The following RPF2 variants were observed in gnomAD, a reference collection of about 807,000 sequenced individuals.
RPF2 encodes brix domain containing 1.
Under a neutral mutation model 38.9 loss-of-function variants are expected in RPF2, and 21 were observed. That is an observed-to-expected ratio of 0.54 (90% CI 0.38 to 0.78). The LOEUF (loss-of-function observed/expected upper bound fraction) is 0.78. Ranked by LOEUF, RPF2 falls within the 30% of genes least tolerant of loss-of-function variation. The pLI is 0.00. For missense variants in RPF2, 314 were observed against 358.1 expected (o/e 0.88, Z 0.99); for synonymous variants, 121 against 126.2 (o/e 0.96, Z 0.28).
chr6:110,985,087 G>C lies in RPF2; in HGVS notation c.105G>C (p.Leu35=), dbSNP rs760073069. The change falls in exon 2 of 10, where the codon CTG becomes CTC. Residue 35 remains leucine (L), a synonymous_variant. Coordinates refer to ENST00000441448, the MANE Select transcript of RPF2 (RefSeq NM_032194.3). ...ATGAAAATATTAAAAATGCCATGCT[G>C]ATTAAAGGGGGAAATGCAAATGCAA... The part of the protein sequence containing the change: ...KLNENIKNAM[L]IKGGNANATV... 3 of 1,613,718 alleles carry C rather than the reference G, an allele frequency of 1.9e-6. No homozygotes were observed. Among genetic ancestry groups the C allele is most frequent in the South Asian group, 2.2e-5 (2 of 91,062 alleles).
Position 111,026,209 on chromosome 6 carries a change from G to A in RPF2, c.*627G>A, listed in dbSNP as rs965816307. The stretch of plus-strand genomic sequence containing the variant: ...CTCTGAGACGAAACCTGTGTTTTTT[G>A]GTTGGTTTGTTTTTAAGAGATGGGG... On this transcript the variant is annotated 3_prime_UTR_variant, in exon 10 of 10. Coordinates refer to ENST00000441448, the MANE Select transcript of RPF2 (RefSeq NM_032194.3). 2 of 152,210 alleles carry A rather than the reference G, an allele frequency of 1.3e-5. No individual in the cohort carries two copies. Among genetic ancestry groups the A allele is most frequent in the African/African-American group, 4.8e-5 (2 of 41,412 alleles). The allele number at this position is 152,210 out of a possible 1,614,324, so 9.4% of individuals were successfully genotyped here. A position where few individuals can be genotyped will look rare whatever the true frequency, so the allele number is the denominator to read the frequency against.
chr6:110,998,675 G>T (rs763813529), intron 5 of RPF2, among the ~76,000 whole-genome samples: 1 of 152,120 alleles, frequency 6.6e-6, no homozygotes, highest in African/African-American at 2.4e-5. Flanking sequence ...GGACAGGAGA[G>T]GCTGCCCACT....
chr6:111,025,728 AC>A lies in RPF2; in HGVS notation c.*147del. On this transcript the variant is annotated 3_prime_UTR_variant, in exon 10 of 10. Coordinates refer to ENST00000441448, the MANE Select transcript of RPF2 (RefSeq NM_032194.3). ...GATATATTATTATGAACAGTAATAT[AC>A]TAGTATTAAGTGTAAAGTAAGCCTT... 6.7e-6 allele frequency: 4 copies of A among 597,876 alleles called. No individual in the cohort carries two copies. The highest frequency in any genetic ancestry group is 1.1e-5 in the Non-Finnish European group (4 of 361,068). 37.0% of individuals were successfully genotyped at this position (597,876 alleles called of 1,614,324 possible). A position where few individuals can be genotyped will look rare whatever the true frequency, so the allele number is the denominator to read the frequency against.
intron 6 of RPF2, among the ~76,000 whole-genome samples, chr6:111,004,569 A>G (rs1458982737): frequency 6.8e-6 from 1 of 147,294 alleles, no homozygotes; most frequent in East Asian, 2.0e-4. Context: ...TTTTGGAGAC[A>G]GGGTCTTGCT....
intron 6 of RPF2, among the ~76,000 whole-genome samples, chr6:111,000,849 T>C (rs1252716507): frequency 6.6e-6 from 1 of 151,910 alleles, no homozygotes; most frequent in East Asian, 1.9e-4. Flanking sequence ...ATTAGGACTC[T>C]AGGGCTTTGA....
chr6:111,015,084 T>A (rs1772083581), intron 7 of RPF2, among the ~76,000 whole-genome samples: 1 of 152,336 alleles, frequency 6.6e-6, no homozygotes, highest in African/African-American at 2.4e-5. Flanking sequence ...GGCTGACTAC[T>A]CTTTTTAAAA....
rs752393335 is a variant in RPF2 at position 110,997,261 on chromosome 6, A to G, written c.313A>G (p.Ile105Val). Residue 105 changes from isoleucine (I) to valine (V), a missense_variant, in exon 5 of 10, where the codon ATA (isoleucine) becomes GTA (valine). Transcript: ENST00000441448. ...HNKKRPNNLV[I>V]GRMYDYHVLD... Reference sequence around the variant, plus strand: ...TAAGAAGCGGCCAAATAATCTAGTAATAGGTAAGTATAATTTACTTTTTAA... The same window carrying G: ...TAAGAAGCGGCCAAATAATCTAGTAGTAGGTAAGTATAATTTACTTTTTAA... 2 of 1,546,764 alleles carry G rather than the reference A, an allele frequency of 1.3e-6. No individual in the cohort carries two copies. Among genetic ancestry groups the G allele is most frequent in the South Asian group, 2.3e-5 (2 of 88,838 alleles).
intron 2 of RPF2, among the ~76,000 whole-genome samples, chr6:110,985,801 G>T (rs1771514312): frequency 6.6e-6 from 1 of 152,142 alleles, no homozygotes; most frequent in African/African-American, 2.4e-5. Context: ...AGCCGGGTGT[G>T]GTGGCGGGCG....
rs150826122 is a variant in RPF2 at position 110,982,113 on chromosome 6, A to G, written c.7A>G (p.Thr3Ala). The change falls in exon 1 of 10, where the codon ACT becomes GCT. Residue 3 changes from threonine (T) to alanine (A), a missense_variant. Transcript: ENST00000441448. MD[T>A]LDRVVKPKTK... ...GTTGCAGGTAGCGGTAGCGATGGAC[A>G]CTCTGGATCGAGTAGTGTAAGTGCG... The G allele has an allele frequency of 1.4e-4, 228 of 1,614,110 alleles. 1 individual carries two copies. The Middle Eastern group carries it at 4.8e-3, about 34-fold the overall frequency.
chr6:111,010,095 T>A (rs9372290), intron 7 of RPF2, among the ~76,000 whole-genome samples: 19,436 of 151,642 alleles, frequency 0.13, 1,720 homozygotes, highest in East Asian at 0.49. Flanking sequence ...GGGTCTTGGG[T>A]CTGTCTCTCT....
Position 110,985,036 on chromosome 6 carries a change from C to T in RPF2, c.54C>T (p.Phe18=). ...VKPKTKRAKR[F]LEKREPKLNE... is the part of the protein sequence containing the mutation. ...CCAAAACGAAAAGAGCCAAGAGATT[C>T]CTTGAGAAGAGAGAACCGAAACTCA... The change falls in exon 2 of 10, where the codon TTC becomes TTT. Residue 18 remains phenylalanine, a synonymous_variant. Transcript: ENST00000441448. The T allele has an allele frequency of 6.2e-7, 1 of 1,612,216 alleles. No individual in the cohort carries two copies. The highest frequency in any genetic ancestry group is 8.5e-7 in the Non-Finnish European group (1 of 1,179,700).
intron 4 of RPF2, among the ~76,000 whole-genome samples, chr6:110,994,334 C>T (rs964603878): frequency 4.6e-5 from 7 of 151,344 alleles, no homozygotes; most frequent in Non-Finnish European, 8.8e-5. Flanking sequence ...CCTCTAATCC[C>T]GTTGTTTTGG....
intron 7 of RPF2, among the ~76,000 whole-genome samples, chr6:111,015,549 T>G (rs1159736800): frequency 6.6e-6 from 1 of 152,244 alleles, no homozygotes; most frequent in Non-Finnish European, 1.5e-5. Flanking sequence ...ACATTAAATG[T>G]CTCAGTGAAC....
At chr6:110,985,810 C>T (rs191301196) in intron 2 of RPF2, among the ~76,000 whole-genome samples, 135 of 151,932 alleles carry the variant, frequency 8.9e-4, no homozygotes, top group African/African-American at 3.0e-3. Context: ...TGGTGGCGGG[C>T]GCCTGTAGTC....
chr6:111,006,845 G>A (rs571128674), intron 6 of RPF2, among the ~76,000 whole-genome samples: 80 of 152,132 alleles, frequency 5.3e-4, no homozygotes, highest in African/African-American at 1.7e-3. Flanking sequence ...AGGCCAAGGC[G>A]GGCAGATCAC....
intron 7 of RPF2, among the ~76,000 whole-genome samples, chr6:111,009,824 C>T (rs1227874512): frequency 6.6e-6 from 1 of 151,870 alleles, no homozygotes; most frequent in Non-Finnish European, 1.5e-5. Context: ...TAGGCACATG[C>T]CACTATGCCT....
intron 8 of RPF2, among the ~76,000 whole-genome samples, chr6:111,022,967 C>T (rs550012654): frequency 3.3e-4 from 51 of 152,362 alleles, no homozygotes; most frequent in African/African-American, 1.2e-3. Flanking sequence ...GGCGCGATCT[C>T]GGCTCACTGC....
intron 2 of RPF2, 74 bp from the exon 3 acceptor site, chr6:110,988,953 TG>T: frequency 6.5e-7 from 1 of 1,527,100 alleles, no homozygotes; most frequent in Non-Finnish European, 8.9e-7. Flanking sequence ...GGAGAGTGAC[TG>T]TTATGATGCT....
At chr6:111,000,835 C>A (rs145133589) in intron 6 of RPF2, among the ~76,000 whole-genome samples, 2 of 152,080 alleles carry the variant, frequency 1.3e-5, no homozygotes, top group Non-Finnish European at 2.9e-5. Flanking sequence ...TCAGTATAAC[C>A]AAGATTAGGA....
Sources: allele counts gnomAD v4.1 joint callset (sites outside exome capture counted in the v4.1 genomes callset), GRCh38; gene constraint gnomAD v4.1.1; transcripts MANE v1.5; gene names NCBI Gene and HGNC (gene_info 2026-07-23, HGNC 2026-07-21).